RRM2: variants seen among roughly 807,000 people sequenced by gnomAD.
The protein encoded by RRM2 is ribonucleotide reductase regulatory subunit M2.
Under a neutral mutation model 45.9 loss-of-function variants are expected in RRM2, and 6 were observed. The observed-to-expected ratio is 0.13, with a 90% CI of 0.07 to 0.26. The LOEUF (loss-of-function observed/expected upper bound fraction) is 0.26. Among genes scored for constraint, RRM2 ranks in the 10% least tolerant of loss-of-function variants. The probability of loss-of-function intolerance (pLI) is 1.00; values close to 1 mark genes in which losing one functional copy is unlikely to be tolerated. For synonymous variants in RRM2, 177 were observed against 173.0 expected, an observed-to-expected ratio of 1.02 and a Z score of -0.18; for missense variants, 343 against 489.5, an observed-to-expected ratio of 0.70 and a Z score of 2.82.
At chr2:10,137,798 A>G (rs1663017013), upstream of RRM2, among the ~76,000 whole-genome samples, 1 of 151,972 alleles carries the variant, frequency 6.6e-6, no homozygotes, top group African/African-American at 2.4e-5. Flanking sequence ...CCTCTCCTCT[A>G]CTTCAGGGGG....
intron 3 of RRM2, among the ~76,000 whole-genome samples, chr2:10,175,880 A>G (rs1384186501): frequency 2.6e-5 from 4 of 152,170 alleles, no homozygotes; most frequent in African/African-American, 9.7e-5. Context: ...TGCTGGGATT[A>G]CAGGCATGAG....
chr2:10,152,169 C>T lies in RRM2; in HGVS notation n.482+9794C>T, dbSNP rs375706304. On this transcript the variant is annotated intron_variant and non_coding_transcript_variant, in intron 3 of 3. Coordinates refer to the RRM2 transcript ENST00000381786. The stretch of plus-strand genomic sequence containing the variant: ...TTCACCATGTTAGCCAGGATGGTCT[C>T]GATCTCCTGACCTCGTGATCCGCCT... Among the ~76,000 whole-genome samples, 17 of 151,890 alleles carry T rather than the reference C, an allele frequency of 1.1e-4. No individual in the cohort carries two copies. The East Asian group carries it at 2.7e-3, about 24-fold the overall frequency.
chr2:10,175,584 A>G (rs143848694), intron 3 of RRM2, among the ~76,000 whole-genome samples: 61 of 152,056 alleles, frequency 4.0e-4, no homozygotes, highest in Admixed American at 2.6e-3. Context: ...TTCTGTTCAT[A>G]TGAATTAAAA....
intron 3 of RRM2, among the ~76,000 whole-genome samples, chr2:10,164,971 GCA>G (rs1250227942): frequency 6.6e-6 from 1 of 152,182 alleles, no homozygotes; most frequent in Non-Finnish European, 1.5e-5. Context: ...GAATTCTGCC[GCA>G]CAGAGGGGAC....
In RRM2 at chr2:10,128,865, T is replaced by C; in HGVS notation, c.816T>C (p.Phe272=). 1 of 1,614,122 alleles carries C rather than the reference T, an allele frequency of 6.2e-7. No homozygotes were observed. The highest frequency in any genetic ancestry group is 8.5e-7 in the Non-Finnish European group (1 of 1,179,940). ...ISRDEGLHCD[F]ACLMFKHLVH... ...TTTTCTAGGGTTTACACTGTGATTT[T>C]GCTTGCCTGATGTTCAAACACCTGG... The change falls in exon 8 of 10, where the codon TTT becomes TTC. Residue 272 remains phenylalanine (F), a synonymous_variant. Coordinates refer to ENST00000304567, the MANE Select transcript of RRM2 (RefSeq NM_001034.4).
intron 3 of RRM2, chr2:10,142,521 T>A: frequency 1.3e-6 from 1 of 795,238 alleles, no homozygotes; most frequent in Non-Finnish European, 1.8e-6. Flanking sequence ...ACTGCCAGCC[T>A]CTGCCGTTCT....
chr2:10,204,269 G>A lies in RRM2; in HGVS notation n.483-6042G>A, dbSNP rs890094797. 3.9e-5 allele frequency among the ~76,000 whole-genome samples: 6 copies of A among 152,144 alleles called. No homozygotes were observed. Among genetic ancestry groups the A allele is most frequent in the Admixed American group, 3.3e-4 (5 of 15,282 alleles). ...GATGGGCATGGGAGCCCAGAAAAAG[G>A]CCCCATCCAGCCTGTGGGATCAGAG... is the stretch of plus-strand genomic sequence containing the variant. On this transcript the variant is annotated intron_variant and non_coding_transcript_variant, in intron 3 of 3. Coordinates refer to the RRM2 transcript ENST00000381786. This position sits in a 1 kb window ranked among gnomAD's most constrained non-coding sequence, Gnocchi z 4.0.
chr2:10,146,416 GT>G (rs1317910605), intron 3 of RRM2, among the ~76,000 whole-genome samples: 1 of 152,244 alleles, frequency 6.6e-6, no homozygotes, highest in African/African-American at 2.4e-5. Context: ...TAATTCTCAT[GT>G]GCAGCTAGGG....
Position 10,129,165 on chromosome 2 carries a change from G to A in RRM2, c.1017+11G>A, listed in dbSNP as rs781580850. 2 of 1,613,888 alleles carry A rather than the reference G, an allele frequency of 1.2e-6. No individual in the cohort carries two copies. Among genetic ancestry groups the A allele is most frequent in the South Asian group, 1.1e-5 (1 of 91,080 alleles). ...CTGGGTTTTAGCAAGGTAAAGTATT[G>A]TTTACATAGCCTTTTGCTTGTTTTG... On this transcript the variant is annotated intron_variant, in intron 9 of 9. Coordinates refer to ENST00000304567, the MANE Select transcript of RRM2 (RefSeq NM_001034.4). The surrounding 1 kb of genome is among the most constrained non-coding windows in gnomAD (Gnocchi z 4.8).
At chr2:10,123,559 C>T (rs574618187) in intron 3 of RRM2, 29 bp downstream of exon 3, 1 of 1,588,592 alleles carries the variant, frequency 6.3e-7, no homozygotes, top group Admixed American at 1.9e-5. Context: ...AAGACCCCTG[C>T]AGGGGTGACC....
At chr2:10,201,676 CAATT>C (rs1458440530) in intron 3 of RRM2, among the ~76,000 whole-genome samples, 1 of 152,332 alleles carries the variant, frequency 6.6e-6, no homozygotes, top group Non-Finnish European at 1.5e-5. Flanking sequence ...GTTAAAGACA[CAATT>C]GATGAGGAAA....
At chr2:10,135,314 G>A (rs1355035141), downstream of RRM2, among the ~76,000 whole-genome samples, 1 of 152,184 alleles carries the variant, frequency 6.6e-6, no homozygotes, top group African/African-American at 2.4e-5. Flanking sequence ...CAGTGAGACC[G>A]AACTCAAACA....
At position 10,128,200 on chromosome 2, in the gene RRM2, C is replaced by G. The variant is rs373411252; in HGVS notation, c.799-648C>G. 9.2e-5 allele frequency among the ~76,000 whole-genome samples: 14 copies of G among 152,276 alleles called. 1 individual carries two copies. Among genetic ancestry groups the G allele is most frequent in the Admixed American group, 5.9e-4 (9 of 15,290 alleles). ...AGCCATTATGTTTCTCCTGTTTGAT[C>G]TAGAAATTGCCCCTCTACTTCAATA... On this transcript the variant is annotated intron_variant, in intron 7 of 9. Coordinates refer to ENST00000304567, the MANE Select transcript of RRM2 (RefSeq NM_001034.4).
rs146818640 is a variant in RRM2, at chr2:10,173,234, CAG to C, written n.482+30860_482+30861del. On this transcript the variant is annotated intron_variant and non_coding_transcript_variant, in intron 3 of 3. Transcript: ENST00000381786. ...CGGCATGGGTTCCATAGCAGGCACT[CAG>C]GGGTGTCGGCCACGAAGATTATTCT... Among the ~76,000 whole-genome samples the C allele has an allele frequency of 1.9e-3, 294 of 152,290 alleles. 3 individuals carry two copies. Among genetic ancestry groups the C allele is most frequent in the African/African-American group, 6.7e-3 (279 of 41,570 alleles).
At chr2:10,137,784 C>G (rs1247162634), upstream of RRM2, among the ~76,000 whole-genome samples, 1 of 152,192 alleles carries the variant, frequency 6.6e-6, no homozygotes, top group African/African-American at 2.4e-5. Flanking sequence ...GCCTCTGAGT[C>G]TTCCCTCTCC....
chr2:10,188,096 CT>C (rs1406254149), intron 3 of RRM2, among the ~76,000 whole-genome samples: 2 of 152,204 alleles, frequency 1.3e-5, no homozygotes, highest in African/African-American at 4.8e-5. Flanking sequence ...GTGAGACACT[CT>C]GCGCCTGCTT....
chr2:10,134,170 CAAAAAAAA>C (rs35568069), downstream of RRM2, among the ~76,000 whole-genome samples: 3 of 101,502 alleles, frequency 3.0e-5, no homozygotes, highest in African/African-American at 7.9e-5. Context: ...AACTCCATCT[CAAAAAAAA>C]AAAAAAAAAA....
chr2:10,198,939 C>T (rs1376778093), intron 3 of RRM2: 5 of 152,024 alleles, frequency 3.3e-5, no homozygotes, highest in African/African-American at 1.2e-4. Context: ...ATGCTGACAG[C>T]CATTAGGCTG....
chr2:10,209,057 C>CTTTCTTTCTTTCTTTCTTTCTTTCT (rs1048061514), intron 3 of RRM2, among the ~76,000 whole-genome samples: 108 of 102,484 alleles, frequency 1.1e-3, no homozygotes, highest in Non-Finnish European at 1.9e-3. Context: ...TTCTTTCTTT[C>CTTTCTTTCTTTCTTTCTTTCTTTCT]TTTTTTTTTT....
Sources: gnomAD v4.1 joint callset for allele counts (sites outside exome capture counted in the v4.1 genomes callset) on GRCh38, gnomAD v4.1.1 for gene constraint, Gnocchi (gnomAD v3.1) non-coding constraint, MANE v1.5 for transcripts, NCBI Gene and HGNC (gene_info 2026-07-23, HGNC 2026-07-21) for gene names.